Variants in TSHZ2 observed in about 807,000 individuals in gnomAD.
TSHZ2 encodes teashirt zinc finger homeobox 2.
Under a neutral mutation model 74.4 loss-of-function variants are expected in TSHZ2, and 21 were observed. The ratio of observed to expected loss-of-function variants is 0.28; its 90% confidence interval spans 0.20 to 0.41. TSHZ2 has a LOEUF of 0.41. TSHZ2 is among the 10% of genes least tolerant of loss of function. The pLI is 1.00. For synonymous variants in TSHZ2, 540 were observed against 515.3 expected (o/e 1.05, Z -0.65); for missense variants, 1,244 against 1,293.5 (o/e 0.96, Z 0.59).
chr20:53,453,279 G>A (rs2145788231), intron 2 of TSHZ2, among the ~76,000 whole-genome samples: 1 of 152,330 alleles, frequency 6.6e-6, no homozygotes, highest in African/African-American at 2.4e-5. Context: ...GCAGATGGCG[G>A]CCTGTACAAT....
intron 1 of TSHZ2, among the ~76,000 whole-genome samples, chr20:53,190,137 A>ATTTT (rs57127898): frequency 6.6e-5 from 6 of 90,496 alleles, no homozygotes; most frequent in African/African-American, 1.6e-4. Flanking sequence ...ATATATATAT[A>ATTTT]TTTTCTTAAA....
intron 2 of TSHZ2, among the ~76,000 whole-genome samples, chr20:53,435,316 TA>T (rs1035631576): frequency 6.6e-6 from 1 of 152,158 alleles, no homozygotes; most frequent in African/African-American, 2.4e-5. Context: ...GAAGAAGCAA[TA>T]AAGACTTCAC....
intron 2 of TSHZ2, among the ~76,000 whole-genome samples, chr20:53,447,486 T>C (rs1233391536): frequency 1.3e-5 from 2 of 152,244 alleles, no homozygotes; most frequent in Non-Finnish European, 2.9e-5. Context: ...GGTACAATTA[T>C]CACAAGCAGG....
At chr20:53,298,242 C>A (rs1315668708) in intron 2 of TSHZ2, among the ~76,000 whole-genome samples, 1 of 152,242 alleles carries the variant, frequency 6.6e-6, no homozygotes, top group African/African-American at 2.4e-5. Context: ...ATGATATGTT[C>A]TCCTGGCCCT....
chr20:53,037,475 TTAAG>T (rs1306793401), intron 1 of TSHZ2, among the ~76,000 whole-genome samples: 11 of 152,200 alleles, frequency 7.2e-5, no homozygotes, highest in Admixed American at 5.2e-4. Context: ...TAAATAGCTC[TTAAG>T]TAAGAAAAAA....
intron 1 of TSHZ2, among the ~76,000 whole-genome samples, chr20:53,122,357 A>G (rs536604212): frequency 6.6e-6 from 1 of 152,214 alleles, no homozygotes; most frequent in Admixed American, 6.5e-5. Context: ...CCATCATGAC[A>G]TTATTGTCAT....
intron 1 of TSHZ2, among the ~76,000 whole-genome samples, chr20:53,063,130 CAA>C (rs1984872263): frequency 6.6e-6 from 1 of 151,938 alleles, no homozygotes; most frequent in South Asian, 2.1e-4. Context: ...CGAGAATTAC[CAA>C]AGTCTGGCAC....
At chr20:53,298,057 CT>C (rs1991413315) in intron 2 of TSHZ2, among the ~76,000 whole-genome samples, 1 of 152,180 alleles carries the variant, frequency 6.6e-6, no homozygotes, top group Admixed American at 6.5e-5. Context: ...TTTCGGTCAC[CT>C]ACCTATTATG....
chr20:53,425,812 T>TC (rs1491381014), intron 2 of TSHZ2, among the ~76,000 whole-genome samples: 1 of 151,144 alleles, frequency 6.6e-6, no homozygotes, highest in Non-Finnish European at 1.5e-5. Flanking sequence ...TTTTTTTTTT[T>TC]CTCACCATCT....
chr20:53,079,508 C>T (rs1221173724), intron 1 of TSHZ2, among the ~76,000 whole-genome samples: 2 of 152,176 alleles, frequency 1.3e-5, no homozygotes, highest in Non-Finnish European at 2.9e-5. Flanking sequence ...ACAGAATAAT[C>T]CTGTGTATTG....
intron 2 of TSHZ2, among the ~76,000 whole-genome samples, chr20:53,409,763 A>T (rs1403860473): frequency 6.7e-6 from 1 of 150,272 alleles, no homozygotes; most frequent in Non-Finnish European, 1.5e-5. Context: ...GTCATTTAGC[A>T]TCTGGGCCTT....
chr20:53,255,668 T>C lies in TSHZ2; in HGVS notation c.2210T>C (p.Met737Thr), dbSNP rs550457475. Residue 737 changes from methionine (M) to threonine (T), a missense_variant, in exon 2 of 3, where the codon ATG (methionine) becomes ACG (threonine). Coordinates refer to ENST00000371497, the MANE Select transcript of TSHZ2 (RefSeq NM_173485.6). This position sits in a 1 kb window ranked among gnomAD's most constrained non-coding sequence, Gnocchi z 4.1. Reference sequence around the variant, plus strand: ...TTCCACAAGTCGAATCTCAATGTCATGGACAAGCCGGTCTTGAGTCCTGCC... The same window carrying C: ...TTCCACAAGTCGAATCTCAATGTCACGGACAAGCCGGTCTTGAGTCCTGCC... ...SMFHKSNLNVMDKPVLSPAST... is the reference protein window; with the variant it reads ...SMFHKSNLNVTDKPVLSPAST... The C allele has an allele frequency of 4.4e-6, 7 of 1,579,256 alleles. No homozygotes were observed. The South Asian group carries it at 8.3e-5, about 19-fold the overall frequency.
chr20:53,173,954 G>T (rs1193911559), intron 1 of TSHZ2, among the ~76,000 whole-genome samples: 1 of 152,040 alleles, frequency 6.6e-6, no homozygotes, highest in African/African-American at 2.4e-5. Context: ...ATTTTAGATA[G>T]AACTTCAAAG....
intron 1 of TSHZ2, among the ~76,000 whole-genome samples, chr20:53,188,089 G>A (rs1231435308): frequency 6.6e-6 from 1 of 152,132 alleles, no homozygotes. Flanking sequence ...CAGTTTGTCA[G>A]GACAAATAGC....
At chr20:53,384,884 A>T (rs1013876723) in intron 2 of TSHZ2, among the ~76,000 whole-genome samples, 15 of 152,218 alleles carry the variant, frequency 9.9e-5, no homozygotes, top group African/African-American at 3.4e-4. Flanking sequence ...GCACTTTGGG[A>T]GGCCAAGGCG....
At chr20:53,407,703 C>T (rs1982901966) in intron 2 of TSHZ2, among the ~76,000 whole-genome samples, 1 of 152,196 alleles carries the variant, frequency 6.6e-6, no homozygotes, top group Non-Finnish European at 1.5e-5. Flanking sequence ...CAAACTACAA[C>T]CAGTGAAAAG....
At chr20:52,975,119 C>A (rs1023905907) in intron 1 of TSHZ2, among the ~76,000 whole-genome samples, 17 of 152,148 alleles carry the variant, frequency 1.1e-4, no homozygotes, top group African/African-American at 1.7e-4. Flanking sequence ...GAACAGTGAG[C>A]CTGCTGCATC....
intron 2 of TSHZ2, among the ~76,000 whole-genome samples, chr20:53,471,475 T>C (rs564955025): frequency 1.7e-4 from 26 of 152,312 alleles, no homozygotes; most frequent in African/African-American, 6.3e-4. Context: ...TACGCTGCAA[T>C]AAGTCTTATA....
chr20:53,469,587 AGGAAGGAAGGAC>A (rs1985698201), intron 2 of TSHZ2, among the ~76,000 whole-genome samples: 1 of 66,154 alleles, frequency 1.5e-5, no homozygotes, highest in African/African-American at 5.7e-5. Flanking sequence ...GAAGGAAGGA[AGGAAGGAAGGAC>A]CCAAGAAAGA....
Sources: gnomAD v4.1 joint callset for allele counts (sites outside exome capture counted in the v4.1 genomes callset) on GRCh38, gnomAD v4.1.1 for gene constraint, Gnocchi (gnomAD v3.1) non-coding constraint, MANE v1.5 for transcripts, NCBI Gene and HGNC (gene_info 2026-07-23, HGNC 2026-07-21) for gene names.